Variants in NMNAT2 observed in about 807,000 individuals in gnomAD.
NMNAT2 encodes the protein nicotinamide/nicotinic acid mononucleotide adenylyltransferase 2.
NMNAT2 carries 11 observed loss-of-function variants against 41.6 expected under a neutral mutation model. The ratio of observed to expected loss-of-function variants is 0.26; its 90% CI spans 0.17 to 0.44. The LOEUF (loss-of-function observed/expected upper bound fraction) is 0.44, where lower values mean the gene tolerates loss of function less well. Ranked by LOEUF, NMNAT2 falls within the 20% of genes least tolerant of loss-of-function variation. The pLI, the probability that NMNAT2 is intolerant of heterozygous loss-of-function variation, is 1.00. For synonymous variants in NMNAT2, 148 were observed against 151.2 expected, an observed-to-expected ratio of 0.98 and a Z score of 0.16; for missense variants, 288 against 407.7, an observed-to-expected ratio of 0.71 and a Z score of 2.53.
intron 1 of NMNAT2, among the ~76,000 whole-genome samples, chr1:183,387,454 A>G (rs2101919097): frequency 6.6e-6 from 1 of 152,346 alleles, no homozygotes; most frequent in South Asian, 2.1e-4. Context: ...TTTATAGCAG[A>G]GAACAAATCT....
chr1:183,417,142 C>T (rs1176189068), intron 1 of NMNAT2, among the ~76,000 whole-genome samples: 1 of 152,218 alleles, frequency 6.6e-6, no homozygotes, highest in East Asian at 1.9e-4. Context: ...TGCCCCACGC[C>T]TTTGAGTCCT....
chr1:183,324,322 G>A (rs111492512), intron 1 of NMNAT2, among the ~76,000 whole-genome samples: 45 of 152,284 alleles, frequency 3.0e-4, no homozygotes, highest in African/African-American at 1.1e-3. Context: ...GAGAACTGAC[G>A]ATGCTTCTTG....
chr1:183,408,477 G>T (rs1193507876), intron 1 of NMNAT2, among the ~76,000 whole-genome samples: 3 of 151,854 alleles, frequency 2.0e-5, no homozygotes, highest in Non-Finnish European at 4.4e-5. Context: ...TAAAAAATCG[G>T]GTAGCTGTCC....
chr1:183,349,654 G>A lies in NMNAT2; in HGVS notation c.86-55861C>T, dbSNP rs188357731. ...ACTCAGAGCAGCAGAAAATAATATGGCTAAAATCCACGGCAGCAGTGGGTG... is the reference window on the plus strand; with the variant it reads ...ACTCAGAGCAGCAGAAAATAATATGACTAAAATCCACGGCAGCAGTGGGTG... On this transcript the variant is annotated intron_variant, in intron 1 of 10. Transcript: ENST00000287713. Among the ~76,000 whole-genome samples the A allele has an allele frequency of 7.5e-4, 114 of 152,330 alleles. 2 individuals carry two copies. The highest frequency in any genetic ancestry group is 4.8e-3 in the Admixed American group (74 of 15,308).
chr1:183,273,180 G>T (rs1661027858), intron 8 of NMNAT2, among the ~76,000 whole-genome samples: 1 of 152,148 alleles, frequency 6.6e-6, no homozygotes, highest in Admixed American at 6.5e-5. Context: ...TCCTTTTTCT[G>T]TCCATAAAAC....
At chr1:183,379,795 C>A (rs1352587100) in intron 1 of NMNAT2, among the ~76,000 whole-genome samples, 2 of 152,186 alleles carry the variant, frequency 1.3e-5, no homozygotes, top group Non-Finnish European at 2.9e-5. Context: ...GCCTTCAACT[C>A]TCTCAAATAG....
intron 1 of NMNAT2, among the ~76,000 whole-genome samples, chr1:183,312,555 T>G (rs1662148135): frequency 7.9e-6 from 1 of 126,972 alleles, no homozygotes; most frequent in African/African-American, 2.9e-5. Context: ...TAATAGTAAT[T>G]GCCTTACAGT....
chr1:183,330,786 G>T (rs568244193), intron 1 of NMNAT2, among the ~76,000 whole-genome samples: 1 of 152,156 alleles, frequency 6.6e-6, no homozygotes, highest in Non-Finnish European at 1.5e-5. Context: ...CAGAATCAGC[G>T]AGGTGAATTC....
chr1:183,360,436 C>T (rs1276055421), intron 1 of NMNAT2, among the ~76,000 whole-genome samples: 1 of 151,818 alleles, frequency 6.6e-6, no homozygotes, highest in Admixed American at 6.6e-5. Flanking sequence ...TCTATTTAGC[C>T]CCAGGTCCCA....
At chr1:183,345,740 G>A (rs1302993617) in intron 1 of NMNAT2, among the ~76,000 whole-genome samples, 2 of 149,866 alleles carry the variant, frequency 1.3e-5, no homozygotes, top group African/African-American at 2.5e-5. Flanking sequence ...AGGCTGGAGC[G>A]CAGTGGCGCG....
At chr1:183,405,206 C>T (rs1156679606) in intron 1 of NMNAT2, among the ~76,000 whole-genome samples, 1 of 151,954 alleles carries the variant, frequency 6.6e-6, no homozygotes, top group Non-Finnish European at 1.5e-5. Flanking sequence ...GGTGACAGAG[C>T]AAGACTCTGT....
At chr1:183,409,848 G>T (rs1649066191) in intron 1 of NMNAT2, among the ~76,000 whole-genome samples, 1 of 152,216 alleles carries the variant, frequency 6.6e-6, no homozygotes. Context: ...GCATTCCAGT[G>T]AAGCACAGTA....
chr1:183,349,097 C>G (rs1662992339), intron 1 of NMNAT2, among the ~76,000 whole-genome samples: 1 of 152,250 alleles, frequency 6.6e-6, no homozygotes, highest in Admixed American at 6.5e-5. Flanking sequence ...GCTCTCTGAT[C>G]TACACTGTCC....
At chr1:183,260,935 A>T (rs1660641782) in intron 10 of NMNAT2, 67 bp downstream of exon 10, 1 of 1,279,098 alleles carries the variant, frequency 7.8e-7, no homozygotes, top group Non-Finnish European at 1.1e-6. Context: ...TCTTTGATGG[A>T]GGAAATTTAT....
At chr1:183,373,650 C>A (rs1663602123) in intron 1 of NMNAT2, among the ~76,000 whole-genome samples, 1 of 149,484 alleles carries the variant, frequency 6.7e-6, no homozygotes, top group South Asian at 2.1e-4. Context: ...CAGAGTCTCA[C>A]TCTGTTGCCC....
At chr1:183,342,048 C>A (rs1219210195) in intron 1 of NMNAT2, among the ~76,000 whole-genome samples, 4 of 149,090 alleles carry the variant, frequency 2.7e-5, no homozygotes, top group Non-Finnish European at 5.9e-5. Context: ...TTTTACCAAC[C>A]CTTTGGCATT....
At chr1:183,277,859 T>G (rs899103303) in intron 8 of NMNAT2, among the ~76,000 whole-genome samples, 2 of 152,176 alleles carry the variant, frequency 1.3e-5, no homozygotes, top group Admixed American at 6.6e-5. Context: ...ACATCTAGAA[T>G]TGCTGCCTTG....
intron 1 of NMNAT2, among the ~76,000 whole-genome samples, chr1:183,397,592 C>T (rs537122625): frequency 1.4e-4 from 21 of 152,086 alleles, no homozygotes; most frequent in Non-Finnish European, 2.4e-4. Flanking sequence ...GAAAACAACC[C>T]CAAGACACAT....
intron 1 of NMNAT2, among the ~76,000 whole-genome samples, chr1:183,413,554 T>C (rs533227766): frequency 8.5e-5 from 13 of 152,256 alleles, no homozygotes; most frequent in Admixed American, 5.2e-4. Context: ...TGTGGGTCTT[T>C]TCGAAGAAAT....
Sources: allele counts gnomAD v4.1 joint callset (sites outside exome capture counted in the v4.1 genomes callset), GRCh38; gene constraint gnomAD v4.1.1; transcripts MANE v1.5; gene names NCBI Gene and HGNC (gene_info 2026-07-23, HGNC 2026-07-21).